The following ATF2 variants were observed in gnomAD, a reference collection of about 807,000 sequenced individuals.
ATF2 encodes the protein activating transcription factor 2.
In ATF2, 24 loss-of-function variants were observed where a neutral mutation model predicts 60.6. That is an observed-to-expected ratio of 0.40 (90% CI 0.29 to 0.56). The LOEUF is 0.56. Ranked by LOEUF, ATF2 falls within the 20% of genes least tolerant of loss-of-function variation. ATF2 has a pLI of 0.54. For missense variants in ATF2, 433 were observed against 607.7 expected, an observed-to-expected ratio of 0.71 and a Z score of 3.02; for synonymous variants, 206 against 215.4, an observed-to-expected ratio of 0.96 and a Z score of 0.38.
At position 175,111,617 on chromosome 2, in the gene ATF2, C is replaced by T. The variant is rs770984722; in HGVS notation, c.779G>A (p.Gly260Glu). ...RPVTMVPSVP[G>E]IPGPSSPQPV... ...TTGGGGAGAGGAAGGACCTGGGATT[C>T]CTGGAACACTAGGCACCATGGTGAC... Residue 260 changes from glycine to glutamate, a missense_variant, in exon 10 of 14, where the codon GGA becomes GAA. Physicochemically the swap from Gly to Glu is moderately conservative, Grantham distance 98. Coordinates refer to ENST00000264110, the MANE Select transcript of ATF2 (RefSeq NM_001880.4). 8 of 1,613,708 alleles carry T rather than the reference C, an allele frequency of 5.0e-6. No homozygotes were observed. The highest frequency in any genetic ancestry group is 6.8e-6 in the Non-Finnish European group (8 of 1,179,882).
At chr2:175,145,617 G>A (rs973591466) in intron 2 of ATF2, among the ~76,000 whole-genome samples, 1 of 152,128 alleles carries the variant, frequency 6.6e-6, no homozygotes, top group Admixed American at 6.6e-5. Context: ...AATACGGTGC[G>A]TAAATACCAT....
intron 1 of ATF2, among the ~76,000 whole-genome samples, chr2:175,158,358 C>T (rs1423824353): frequency 2.0e-5 from 3 of 151,000 alleles, no homozygotes; most frequent in East Asian, 1.9e-4. Flanking sequence ...CCTCAGTAGG[C>T]GGAACCACAG....
intron 10 of ATF2, among the ~76,000 whole-genome samples, chr2:175,110,347 A>C (rs1033587755): frequency 1.3e-5 from 2 of 152,036 alleles, no homozygotes; most frequent in African/African-American, 4.8e-5. Flanking sequence ...AAAATAAATA[A>C]ATAAATAAAT....
chr2:175,098,505 G>A (rs934196014), intron 10 of ATF2, among the ~76,000 whole-genome samples: 1 of 152,182 alleles, frequency 6.6e-6, no homozygotes, highest in African/African-American at 2.4e-5. Context: ...GCATCTTTGA[G>A]GGGATGGAGG....
At chr2:175,094,386 TCA>T (rs962075565) in intron 11 of ATF2, among the ~76,000 whole-genome samples, 6 of 105,722 alleles carry the variant, frequency 5.7e-5, no homozygotes, top group African/African-American at 1.8e-4. Flanking sequence ...ACAGCGAGAC[TCA>T]GTCTCAAAAA....
chr2:175,102,285 AAAC>A (rs1483789004), intron 10 of ATF2, among the ~76,000 whole-genome samples: 1 of 152,216 alleles, frequency 6.6e-6, no homozygotes, highest in East Asian at 1.9e-4. Flanking sequence ...AACATATTCT[AAAC>A]AAAAGCTTTG....
intron 4 of ATF2, among the ~76,000 whole-genome samples, chr2:175,123,949 G>A (rs1181376538): frequency 1.3e-5 from 2 of 152,008 alleles, no homozygotes; most frequent in African/African-American, 4.8e-5. Flanking sequence ...ACTTAAGACC[G>A]TGTGAAAAGG....
chr2:175,113,843 A>T, intron 9 of ATF2, 151 bp downstream of exon 9: 1 of 725,890 alleles, frequency 1.4e-6, no homozygotes, highest in Non-Finnish European at 2.3e-6. Flanking sequence ...TGAATGGTAT[A>T]TGCTATTACA....
intron 1 of ATF2, among the ~76,000 whole-genome samples, chr2:175,153,796 C>T (rs1454645976): frequency 1.4e-5 from 2 of 142,882 alleles, no homozygotes; most frequent in African/African-American, 5.2e-5. Flanking sequence ...CACACCATTG[C>T]ACTCCAGCCT....
chr2:175,074,950 C>G, intron 13 of ATF2, 115 bp from the exon 14 acceptor site: 1 of 1,531,444 alleles, frequency 6.5e-7, no homozygotes, highest in Non-Finnish European at 8.8e-7. Context: ...ACTGATTAGA[C>G]AAGTTGGTAT....
At chr2:175,113,663 C>T (rs967822759) in intron 9 of ATF2, among the ~76,000 whole-genome samples, 1 of 151,612 alleles carries the variant, frequency 6.6e-6, no homozygotes, top group Non-Finnish European at 1.5e-5. Flanking sequence ...ATAGAAATAC[C>T]ACAGAGTTAC....
At chr2:175,091,299 C>T (rs1408761498) in intron 12 of ATF2, among the ~76,000 whole-genome samples, 1 of 151,900 alleles carries the variant, frequency 6.6e-6, no homozygotes, top group Non-Finnish European at 1.5e-5. Flanking sequence ...CAACTGAAGA[C>T]AACAGTGATT....
At chr2:175,097,179 A>G (rs1342134862) in intron 11 of ATF2, among the ~76,000 whole-genome samples, 4 of 152,226 alleles carry the variant, frequency 2.6e-5, no homozygotes, top group Non-Finnish European at 5.9e-5. Context: ...TCAACAGAAA[A>G]AGATGTTTTC....
chr2:175,111,629 G>A lies in ATF2; in HGVS notation c.767C>T (p.Pro256Leu). The change falls in exon 10 of 14, where the codon CCT becomes CTT. Residue 256 changes from proline (P) to leucine (L), a missense_variant. This residue lies in a region of ATF2 where 246 missense variants were observed against 309.3 expected (regional missense o/e 0.80). Transcript: ENST00000264110. ...AGGACCTGGGATTCCTGGAACACTAGGCACCATGGTGACTGGTCGAACGAG... is the reference window on the plus strand; with the variant it reads ...AGGACCTGGGATTCCTGGAACACTAAGCACCATGGTGACTGGTCGAACGAG... ...VPLVRPVTMV[P>L]SVPGIPGPSS... The A allele has an allele frequency of 6.2e-7, 1 of 1,613,816 alleles. No homozygotes were observed. The highest frequency in any genetic ancestry group is 8.5e-7 in the Non-Finnish European group (1 of 1,179,840).
At chr2:175,139,410 G>A (rs1482485766) in intron 2 of ATF2, among the ~76,000 whole-genome samples, 3 of 152,128 alleles carry the variant, frequency 2.0e-5, no homozygotes, top group Non-Finnish European at 4.4e-5. Flanking sequence ...AGTGGCTCAC[G>A]CCTGTAATGC....
intron 4 of ATF2, among the ~76,000 whole-genome samples, chr2:175,126,308 C>A (rs547363307): frequency 6.6e-6 from 1 of 152,148 alleles, no homozygotes; most frequent in Non-Finnish European, 1.5e-5. Flanking sequence ...ACCAGAGGTG[C>A]CCTAAAGCTT....
intron 12 of ATF2, among the ~76,000 whole-genome samples, chr2:175,083,625 A>G (rs532857410): frequency 1.3e-5 from 2 of 152,200 alleles, no homozygotes; most frequent in Non-Finnish European, 2.9e-5. Flanking sequence ...AATGGCAACA[A>G]AAGCCAAAAT....
At chr2:175,095,621 G>A (rs998191396) in intron 11 of ATF2, among the ~76,000 whole-genome samples, 4 of 152,064 alleles carry the variant, frequency 2.6e-5, no homozygotes, top group African/African-American at 9.7e-5. Flanking sequence ...CTCTCCCCAT[G>A]TCTATTAATT....
Position 175,118,347 on chromosome 2 carries a change from T to C in ATF2, c.222A>G (p.Arg74=). The C allele has an allele frequency of 1.2e-6, 2 of 1,610,436 alleles. No homozygotes were observed. The highest frequency in any genetic ancestry group is 1.1e-5 in the South Asian group (1 of 90,618). Residue 74 remains arginine (R), a synonymous_variant, in exon 6 of 14, where the codon AGA becomes AGG. Transcript: ENST00000264110. ...CCACTTCTTCACAGTTTTTCAAGAATCTTGTTGGTGTTGGGGTCTGATCTG... is the reference window on the plus strand; with the variant it reads ...CCACTTCTTCACAGTTTTTCAAGAACCTTGTTGGTGTTGGGGTCTGATCTG... ...IVADQTPTPT[R]FLKNCEEVGL... is the part of the protein sequence containing the mutation.
Sources: allele counts gnomAD v4.1 joint callset (sites outside exome capture counted in the v4.1 genomes callset), GRCh38; gene constraint gnomAD v4.1.1; regional missense constraint gnomAD v4.1.1; transcripts MANE v1.5; gene names NCBI Gene and HGNC (gene_info 2026-07-23, HGNC 2026-07-21).